The following CSMD3 variants were observed in gnomAD, a reference collection of about 807,000 sequenced individuals.
The protein encoded by CSMD3 is CUB and sushi domain-containing protein 3.
Under a neutral mutation model 435.2 loss-of-function variants are expected in CSMD3, and 177 were observed. That is an observed-to-expected ratio of 0.41 (90% CI 0.36 to 0.46). The LOEUF is 0.46. Among genes scored for constraint, CSMD3 ranks in the 20% least tolerant of loss-of-function variants. The pLI is 0.34. For synonymous variants in CSMD3, 1,656 were observed against 1,520.5 expected (o/e 1.09, Z -2.07); for missense variants, 4,265 against 4,504.6 (o/e 0.95, Z 1.52).
chr8:112,728,161 C>A (rs1390221188), intron 13 of CSMD3, among the ~76,000 whole-genome samples: 1 of 151,796 alleles, frequency 6.6e-6, no homozygotes, highest in Non-Finnish European at 1.5e-5. Context: ...AACTCCCCTT[C>A]ATTAAGATTA....
chr8:112,596,176 C>T (rs1219055684), intron 22 of CSMD3, among the ~76,000 whole-genome samples: 2 of 151,066 alleles, frequency 1.3e-5, no homozygotes, highest in Non-Finnish European at 3.0e-5. Context: ...GGAAGATCTA[C>T]CAAGCAATTG....
intron 1 of CSMD3, among the ~76,000 whole-genome samples, chr8:113,319,624 T>G (rs1588508397): frequency 6.6e-6 from 1 of 152,138 alleles, no homozygotes; most frequent in Non-Finnish European, 1.5e-5. Flanking sequence ...GTATCAAAAT[T>G]AATTGCCAAA....
Position 113,355,737 on chromosome 8 carries a change from TATATATATATATAC to T in CSMD3, c.179-40958_179-40945del, listed in dbSNP as rs1358282442. ...AGTTTTATTTTTATATATATATATA[TATATATATATATAC>T]ACACACACACACACACGGGGTGTGT... On this transcript the variant is annotated intron_variant, in intron 1 of 70. Coordinates refer to ENST00000297405, the MANE Select transcript of CSMD3 (RefSeq NM_198123.2). Among the ~76,000 whole-genome samples, 170 of 108,780 alleles carry T rather than the reference TATATATATATATAC, an allele frequency of 1.6e-3. 3 individuals carry two copies. The highest frequency in any genetic ancestry group is 7.2e-3 in the African/African-American group (167 of 23,060). The allele number at this position is 108,780 out of a possible 152,430, so 71.4% of individuals were successfully genotyped here. A position where few individuals can be genotyped will look rare whatever the true frequency, so the allele number is the denominator to read the frequency against.
intron 3 of CSMD3, among the ~76,000 whole-genome samples, chr8:113,239,300 A>G (rs1191673163): frequency 6.6e-6 from 1 of 152,058 alleles, no homozygotes; most frequent in Non-Finnish European, 1.5e-5. Context: ...TCCTTATGTT[A>G]TCTTTATACA....
chr8:112,353,267 GT>G (rs1224657110), intron 38 of CSMD3, among the ~76,000 whole-genome samples: 1 of 152,038 alleles, frequency 6.6e-6, no homozygotes, highest in Non-Finnish European at 1.5e-5. Context: ...GGCAGGTGCT[GT>G]AATCCCAGCT....
In CSMD3 at chr8:112,224,601, T is replaced by C; in HGVS notation, c.*170A>G. 2.9e-6 allele frequency: 2 copies of C among 699,816 alleles called. No individual in the cohort carries two copies. The highest frequency in any genetic ancestry group is 5.4e-5 in the East Asian group (2 of 37,056). The allele number at this position is 699,816 out of a possible 1,614,324, so 43.4% of individuals were successfully genotyped here. A position where few individuals can be genotyped will look rare whatever the true frequency, so the allele number is the denominator to read the frequency against. ...TCTGTAAAACTCTCCATGGTAAACA[T>C]GAAGAATTATGGTCCAGTTTATGAA... On this transcript the variant is annotated 3_prime_UTR_variant, in exon 71 of 71. Transcript: ENST00000297405.
At chr8:112,734,419 C>A (rs188874147) in intron 13 of CSMD3, among the ~76,000 whole-genome samples, 2 of 151,596 alleles carry the variant, frequency 1.3e-5, no homozygotes, top group East Asian at 3.9e-4. Flanking sequence ...CAGAAGGTTA[C>A]AAAAAAATTT....
intron 4 of CSMD3, among the ~76,000 whole-genome samples, chr8:113,101,082 T>A (rs2090316532): frequency 6.6e-6 from 1 of 152,116 alleles, no homozygotes; most frequent in Admixed American, 6.6e-5. Flanking sequence ...TTGGCACTGG[T>A]TTCTAAGGGC....
chr8:112,441,832 C>T lies in CSMD3; in HGVS notation c.5395+30759G>A, dbSNP rs917296780. Among the ~76,000 whole-genome samples the T allele has an allele frequency of 9.2e-5, 14 of 152,304 alleles. No individual in the cohort carries two copies. In the South Asian group the frequency reaches 2.9e-3, roughly 32 times the overall value. On this transcript the variant is annotated intron_variant, in intron 32 of 70. Coordinates refer to ENST00000297405, the MANE Select transcript of CSMD3 (RefSeq NM_198123.2). The stretch of plus-strand genomic sequence containing the variant: ...CCCACCACCCACCATGATTCAATTA[C>T]TTCCCATGATGTCCCTCTACCAACC...
chr8:113,034,171 T>C (rs2087242165), intron 5 of CSMD3, among the ~76,000 whole-genome samples: 1 of 151,592 alleles, frequency 6.6e-6, no homozygotes, highest in African/African-American at 2.4e-5. Context: ...GATCTCTCTG[T>C]ATTATTTATT....
At chr8:112,853,271 G>A (rs1023085954) in intron 11 of CSMD3, among the ~76,000 whole-genome samples, 8 of 152,034 alleles carry the variant, frequency 5.3e-5, no homozygotes, top group African/African-American at 1.9e-4. Context: ...CGTTGCCCAG[G>A]CTGGAGTGCA....
intron 6 of CSMD3, among the ~76,000 whole-genome samples, chr8:113,015,269 G>A (rs535986009): frequency 3.3e-5 from 5 of 152,140 alleles, no homozygotes; most frequent in Admixed American, 6.6e-5. Flanking sequence ...AATAGAAGAT[G>A]CCCAGTTGAT....
chr8:113,148,313 A>G (rs2091726970), intron 4 of CSMD3, among the ~76,000 whole-genome samples: 1 of 151,514 alleles, frequency 6.6e-6, no homozygotes, highest in Non-Finnish European at 1.5e-5. Context: ...TTGCCATGTC[A>G]TCTTTATCTA....
At chr8:112,675,102 T>C (rs1723728548) in intron 16 of CSMD3, among the ~76,000 whole-genome samples, 2 of 152,112 alleles carry the variant, frequency 1.3e-5, no homozygotes, top group Admixed American at 1.3e-4. Context: ...GGAATATAGA[T>C]AATTTTTTCT....
chr8:112,261,401 T>C (rs1816384978), intron 61 of CSMD3, among the ~76,000 whole-genome samples: 1 of 152,140 alleles, frequency 6.6e-6, no homozygotes, highest in African/African-American at 2.4e-5. Context: ...TGCAAATCTT[T>C]GTAGGCATCA....
At chr8:112,736,677 T>C (rs2077192072) in intron 13 of CSMD3, among the ~76,000 whole-genome samples, 1 of 152,008 alleles carries the variant, frequency 6.6e-6, no homozygotes, top group South Asian at 2.1e-4. Flanking sequence ...TGTAATTCCA[T>C]GTTTGTGTAT....
chr8:112,580,854 G>A (rs748044912), intron 23 of CSMD3, among the ~76,000 whole-genome samples: 4 of 152,058 alleles, frequency 2.6e-5, no homozygotes, highest in Non-Finnish European at 5.9e-5. Flanking sequence ...TTGAAGTCTT[G>A]ATGCCAAAAT....
intron 12 of CSMD3, among the ~76,000 whole-genome samples, chr8:112,821,541 T>G (rs1451117325): frequency 3.9e-5 from 6 of 152,190 alleles, no homozygotes; most frequent in Admixed American, 1.3e-4. Flanking sequence ...TTGTAGATTC[T>G]GAATATTAGA....
chr8:112,594,094 C>T (rs1831444345), intron 22 of CSMD3, among the ~76,000 whole-genome samples: 1 of 152,154 alleles, frequency 6.6e-6, no homozygotes, highest in South Asian at 2.1e-4. Flanking sequence ...TTCTGCATTT[C>T]CATCTGAGGT....
Sources: gnomAD v4.1 joint callset for allele counts (sites outside exome capture counted in the v4.1 genomes callset) on GRCh38, gnomAD v4.1.1 for gene constraint, MANE v1.5 for transcripts, NCBI Gene and HGNC (gene_info 2026-07-23, HGNC 2026-07-21) for gene names.